Variants in PXDNL observed in about 807,000 individuals in gnomAD.
The protein encoded by PXDNL is probable oxidoreductase PXDNL.
In PXDNL, 145 loss-of-function variants were observed where a neutral mutation model predicts 150.8. The ratio of observed to expected loss-of-function variants is 0.96; its 90% CI spans 0.84 to 1.10. The LOEUF is 1.10. Ranked by LOEUF, PXDNL falls within the 50% of genes least tolerant of loss-of-function variation. The probability of loss-of-function intolerance (pLI) is 0.00; values close to 1 mark genes in which losing one functional copy is unlikely to be tolerated. For synonymous variants in PXDNL, 757 were observed against 725.7 expected (o/e 1.04, Z -0.69); for missense variants, 2,087 against 1,873.9 (o/e 1.11, Z -2.10).
intron 11 of PXDNL, among the ~76,000 whole-genome samples, chr8:51,447,842 A>C (rs1384792227): frequency 1.3e-5 from 2 of 152,224 alleles, no homozygotes; most frequent in African/African-American, 4.8e-5. Context: ...TGTGCCATCA[A>C]CTATTCTAAA....
intron 19 of PXDNL, among the ~76,000 whole-genome samples, chr8:51,369,840 T>A (rs1807042821): frequency 6.6e-6 from 1 of 152,210 alleles, no homozygotes. Context: ...GTCTGTTACA[T>A]CCTTGCATTG....
intron 1 of PXDNL, among the ~76,000 whole-genome samples, chr8:51,768,512 G>A (rs985924345): frequency 2.0e-5 from 3 of 151,892 alleles, no homozygotes; most frequent in Admixed American, 2.0e-4. Flanking sequence ...TGAAACTTCT[G>A]GGAAAAAATA....
intron 1 of PXDNL, among the ~76,000 whole-genome samples, chr8:51,731,006 C>T (rs1003950320): frequency 3.3e-4 from 50 of 152,108 alleles, no homozygotes; most frequent in African/African-American, 1.1e-3. Flanking sequence ...CACAGCCAAC[C>T]ACATCATTCT....
intron 1 of PXDNL, among the ~76,000 whole-genome samples, chr8:51,718,030 G>A (rs188466116): frequency 6.0e-4 from 91 of 152,070 alleles, no homozygotes; most frequent in African/African-American, 2.0e-3. Flanking sequence ...TACAACTTGT[G>A]CTAAATTCTT....
At chr8:51,408,039 T>C (rs764644200) in intron 17 of PXDNL, 28 bp downstream of exon 17, 72 of 1,559,692 alleles carry the variant, frequency 4.6e-5, no homozygotes, top group Non-Finnish European at 6.0e-5. Context: ...AAGAAATGTT[T>C]AAATCCAGGC....
chr8:51,337,248 C>G (rs982071505), intron 21 of PXDNL, among the ~76,000 whole-genome samples: 1 of 152,140 alleles, frequency 6.6e-6, no homozygotes, highest in Admixed American at 6.5e-5. Flanking sequence ...CAATTATCAC[C>G]ACCAATATGT....
At chr8:51,528,000 A>G (rs1435258582) in intron 4 of PXDNL, among the ~76,000 whole-genome samples, 3 of 152,148 alleles carry the variant, frequency 2.0e-5, no homozygotes, top group African/African-American at 7.2e-5. Flanking sequence ...TCATCTGTCT[A>G]ATCTAGTAGT....
intron 4 of PXDNL, among the ~76,000 whole-genome samples, chr8:51,551,175 T>G (rs1187804192): frequency 6.6e-6 from 1 of 152,092 alleles, no homozygotes; most frequent in Non-Finnish European, 1.5e-5. Context: ...AAAGAAATCA[T>G]AGATGACACA....
At chr8:51,369,588 A>G (rs1274708489) in intron 19 of PXDNL, among the ~76,000 whole-genome samples, 1 of 152,142 alleles carries the variant, frequency 6.6e-6, no homozygotes, top group Non-Finnish European at 1.5e-5. Flanking sequence ...GAACTACATC[A>G]GGCATATTCA....
chr8:51,413,725 T>C (rs1808716948), intron 14 of PXDNL, among the ~76,000 whole-genome samples: 1 of 151,594 alleles, frequency 6.6e-6, no homozygotes, highest in African/African-American at 2.4e-5. Flanking sequence ...TAATTTATGC[T>C]TTTTTTATAG....
chr8:51,339,593 T>A, intron 21 of PXDNL, 31 bp downstream of exon 21: 2 of 1,605,626 alleles, frequency 1.2e-6, no homozygotes, highest in Non-Finnish European at 1.7e-6. Context: ...ACGCATACAA[T>A]AAGGACATGT....
At chr8:51,356,656 A>G (rs1806519440) in intron 19 of PXDNL, among the ~76,000 whole-genome samples, 1 of 152,198 alleles carries the variant, frequency 6.6e-6, no homozygotes, top group Non-Finnish European at 1.5e-5. Context: ...TGCTGGTAAA[A>G]TAAGATTCTT....
At chr8:51,527,280 G>A (rs1339711672) in intron 4 of PXDNL, among the ~76,000 whole-genome samples, 2 of 152,126 alleles carry the variant, frequency 1.3e-5, no homozygotes, top group African/African-American at 2.4e-5. Flanking sequence ...CTGCGAGGAT[G>A]TTGTTTCAGT....
chr8:51,748,571 G>A (rs1281297636), intron 1 of PXDNL, among the ~76,000 whole-genome samples: 3 of 152,180 alleles, frequency 2.0e-5, no homozygotes, highest in Non-Finnish European at 2.9e-5. Flanking sequence ...CACTGTCCTG[G>A]ATTAGCAAGA....
chr8:51,465,668 C>CTACA (rs1323993450), intron 8 of PXDNL, among the ~76,000 whole-genome samples: 1 of 152,032 alleles, frequency 6.6e-6, no homozygotes, highest in East Asian at 1.9e-4. Context: ...TCCACCAAAG[C>CTACA]CTCCTAGAAC....
chr8:51,349,970 A>T (rs1177380342), intron 19 of PXDNL, among the ~76,000 whole-genome samples: 1 of 152,186 alleles, frequency 6.6e-6, no homozygotes, highest in Non-Finnish European at 1.5e-5. Flanking sequence ...ACTGACAATA[A>T]ATTTGAGGGA....
chr8:51,346,997 T>C (rs867555979), intron 19 of PXDNL, among the ~76,000 whole-genome samples: 1 of 152,132 alleles, frequency 6.6e-6, no homozygotes, highest in Non-Finnish European at 1.5e-5. Flanking sequence ...TGAAAAAGAA[T>C]GACGTAGGAA....
Position 51,639,904 on chromosome 8 carries a change from AG to A in PXDNL, c.236+14784del, listed in dbSNP as rs988872266. ...AGCCAGGAAGAGACGCAACCAAAAA[AG>A]AGAATTTTAGACCAATATACTTGAT... is the stretch of plus-strand genomic sequence containing the variant. On this transcript the variant is annotated intron_variant, in intron 2 of 22. Transcript: ENST00000356297. Among the ~76,000 whole-genome samples the A allele has an allele frequency of 3.3e-3, 496 of 152,274 alleles. 4 individuals carry two copies. Among genetic ancestry groups the A allele is most frequent in the African/African-American group, 0.011 (476 of 41,530 alleles).
intron 4 of PXDNL, among the ~76,000 whole-genome samples, chr8:51,500,220 G>C (rs1024496017): frequency 6.6e-6 from 1 of 152,206 alleles, no homozygotes; most frequent in South Asian, 2.1e-4. Context: ...TGGCATATTT[G>C]ATGTCATATG....
Sources: allele counts gnomAD v4.1 joint callset (sites outside exome capture counted in the v4.1 genomes callset), GRCh38; gene constraint gnomAD v4.1.1; transcripts MANE v1.5; gene names NCBI Gene and HGNC (gene_info 2026-07-23, HGNC 2026-07-21).